Variants in LRRC4C observed in about 807,000 individuals in gnomAD.
LRRC4C encodes the protein leucine rich repeat containing 4C, also known as leucine-rich repeat-containing protein 4C.
In LRRC4C, 5 loss-of-function variants were observed where a neutral mutation model predicts 33.6. The ratio of observed to expected loss-of-function variants is 0.15; its 90% CI spans 0.08 to 0.31. LRRC4C has a LOEUF of 0.31. Among genes scored for constraint, LRRC4C ranks in the 10% least tolerant of loss-of-function variants. LRRC4C has a pLI of 1.00. For synonymous variants in LRRC4C, 329 were observed against 302.0 expected, an observed-to-expected ratio of 1.09 and a Z score of -0.93; for missense variants, 560 against 796.7, an observed-to-expected ratio of 0.70 and a Z score of 3.58.
intron 1 of LRRC4C, among the ~76,000 whole-genome samples, chr11:41,048,080 G>A (rs992779103): frequency 1.3e-5 from 2 of 152,054 alleles, no homozygotes; most frequent in African/African-American, 2.4e-5. Context: ...ATGCTTGGCA[G>A]CAGAATAAAT....
At chr11:40,705,892 A>C (rs954481924) in intron 2 of LRRC4C, among the ~76,000 whole-genome samples, 1 of 152,004 alleles carries the variant, frequency 6.6e-6, no homozygotes, top group Non-Finnish European at 1.5e-5. Flanking sequence ...TTTAATGATC[A>C]CCATTCTAAC....
intron 1 of LRRC4C, among the ~76,000 whole-genome samples, chr11:41,393,031 C>A (rs1389715782): frequency 1.3e-5 from 2 of 151,914 alleles, no homozygotes; most frequent in Non-Finnish European, 2.9e-5. Context: ...CACAGCAGTT[C>A]TTCTGGTATG....
chr11:40,203,405 G>A (rs936865767), intron 5 of LRRC4C, among the ~76,000 whole-genome samples: 1 of 152,082 alleles, frequency 6.6e-6, no homozygotes, highest in African/African-American at 2.4e-5. Context: ...TCTTAAACAA[G>A]CATAAAACAG....
intron 2 of LRRC4C, among the ~76,000 whole-genome samples, chr11:40,779,554 A>C (rs918852566): frequency 1.3e-5 from 2 of 152,154 alleles, no homozygotes; most frequent in African/African-American, 4.8e-5. Flanking sequence ...TTGTTTTTTA[A>C]AGGCACTATA....
chr11:40,638,090 T>C (rs1043758952), intron 3 of LRRC4C, among the ~76,000 whole-genome samples: 3 of 152,212 alleles, frequency 2.0e-5, no homozygotes, highest in African/African-American at 7.2e-5. Context: ...AAAATTGCAA[T>C]GCACTCCCAT....
chr11:40,249,064 G>A (rs567378120), intron 4 of LRRC4C, among the ~76,000 whole-genome samples: 2 of 152,098 alleles, frequency 1.3e-5, no homozygotes, highest in African/African-American at 2.4e-5. Flanking sequence ...GAGGCTAGGC[G>A]TGGTGGCTCA....
chr11:40,278,449 C>T (rs1416986351), intron 4 of LRRC4C, among the ~76,000 whole-genome samples: 1 of 152,212 alleles, frequency 6.6e-6, no homozygotes, highest in African/African-American at 2.4e-5. Context: ...TACCAGTGAG[C>T]TGTTACTGAC....
At chr11:40,454,862 G>A (rs1287333768) in intron 3 of LRRC4C, among the ~76,000 whole-genome samples, 2 of 151,986 alleles carry the variant, frequency 1.3e-5, no homozygotes, top group African/African-American at 4.8e-5. Context: ...TTTAAATCCA[G>A]TATTTATTCT....
At chr11:40,347,835 C>T (rs1947204112) in intron 3 of LRRC4C, among the ~76,000 whole-genome samples, 1 of 152,126 alleles carries the variant, frequency 6.6e-6, no homozygotes, top group Non-Finnish European at 1.5e-5. Flanking sequence ...CTCAGACTCC[C>T]AACCTCAGGT....
chr11:41,325,674 AAAC>A lies in LRRC4C; in HGVS notation c.-496+133754_-496+133756del, dbSNP rs142699257. On this transcript the variant is annotated intron_variant, in intron 1 of 6. Coordinates refer to ENST00000528697, the MANE Select transcript of LRRC4C (RefSeq NM_001258419.2). ...ATGCATTTTTAGATCTTCACTGCAA[AAAC>A]AACAACAACAACAACAACAACAACA... 8.2e-3 allele frequency among the ~76,000 whole-genome samples: 1,229 copies of A among 150,396 alleles called. 12 individuals carry two copies. The highest frequency in any genetic ancestry group is 0.021 in the African/African-American group (842 of 40,828).
chr11:40,727,131 T>G (rs1046848741), intron 2 of LRRC4C, among the ~76,000 whole-genome samples: 1 of 151,746 alleles, frequency 6.6e-6, no homozygotes, highest in African/African-American at 2.4e-5. Flanking sequence ...AGAGTTGAGA[T>G]CAAAGACAGG....
At chr11:41,425,477 A>G (rs1383326959) in intron 1 of LRRC4C, among the ~76,000 whole-genome samples, 1 of 152,078 alleles carries the variant, frequency 6.6e-6, no homozygotes, top group African/African-American at 2.4e-5. Flanking sequence ...TGACATTTAT[A>G]CTATTGTAAA....
chr11:40,399,449 C>T (rs1016364706), intron 3 of LRRC4C, among the ~76,000 whole-genome samples: 14 of 151,586 alleles, frequency 9.2e-5, no homozygotes, highest in Non-Finnish European at 1.6e-4. Flanking sequence ...AACCAAACAC[C>T]GCATGTTCTC....
At chr11:40,162,544 C>T (rs564717602) in intron 5 of LRRC4C, among the ~76,000 whole-genome samples, 2 of 152,120 alleles carry the variant, frequency 1.3e-5, no homozygotes, top group Non-Finnish European at 2.9e-5. Context: ...TGCAACTTTT[C>T]TTTCACTTGT....
chr11:41,257,386 C>T (rs567838823), intron 1 of LRRC4C, among the ~76,000 whole-genome samples: 1 of 152,022 alleles, frequency 6.6e-6, no homozygotes, highest in South Asian at 2.1e-4. Context: ...TCACATTCCA[C>T]ACAGAAATAG....
intron 1 of LRRC4C, among the ~76,000 whole-genome samples, chr11:41,027,399 A>G (rs1856448562): frequency 6.6e-6 from 1 of 151,662 alleles, no homozygotes; most frequent in Non-Finnish European, 1.5e-5. Context: ...AATTACTCTG[A>G]TGAGCAATTA....
chr11:41,322,809 A>AAC (rs2137286354), intron 1 of LRRC4C, among the ~76,000 whole-genome samples: 1 of 152,288 alleles, frequency 6.6e-6, no homozygotes, highest in African/African-American at 2.4e-5. Context: ...GCACCATGTG[A>AAC]ACACCTGCTT....
At chr11:41,217,890 AC>A (rs2136358790) in intron 1 of LRRC4C, among the ~76,000 whole-genome samples, 1 of 152,280 alleles carries the variant, frequency 6.6e-6, no homozygotes, top group East Asian at 1.9e-4. Context: ...ATAGTATGCA[AC>A]CATTAAAAAT....
chr11:40,823,862 G>A (rs1298732551), intron 2 of LRRC4C, among the ~76,000 whole-genome samples: 4 of 149,914 alleles, frequency 2.7e-5, no homozygotes, highest in African/African-American at 4.9e-5. Flanking sequence ...ATGTACTTAC[G>A]CAAAGACATC....
Sources: gnomAD v4.1 joint callset for allele counts (sites outside exome capture counted in the v4.1 genomes callset) on GRCh38, gnomAD v4.1.1 for gene constraint, MANE v1.5 for transcripts, NCBI Gene and HGNC (gene_info 2026-07-23, HGNC 2026-07-21) for gene names.